The following LTBP1 variants were observed in gnomAD, a reference collection of about 807,000 sequenced individuals.
The protein encoded by LTBP1 is latent-transforming growth factor beta-binding protein 1.
In LTBP1, 129 loss-of-function variants were observed where a neutral mutation model predicts 207.6. That is an observed-to-expected ratio of 0.62 (90% confidence interval 0.54 to 0.72). The LOEUF is 0.72. Among genes scored for constraint, LTBP1 ranks in the 30% least tolerant of loss-of-function variants. The pLI, the probability that LTBP1 is intolerant of heterozygous loss-of-function variation, is 0.00. For missense variants in LTBP1, 2,281 were observed against 2,217.2 expected (o/e 1.03, Z -0.58); for synonymous variants, 963 against 833.7 (o/e 1.16, Z -2.67).
intron 2 of LTBP1, among the ~76,000 whole-genome samples, chr2:32,984,616 C>T (rs1683252688): frequency 1.3e-5 from 2 of 152,054 alleles, no homozygotes; most frequent in Non-Finnish European, 2.9e-5. Context: ...CCCTTTTGTA[C>T]AAAAAGAGTG....
chr2:33,254,884 G>A (rs921891240), intron 11 of LTBP1, among the ~76,000 whole-genome samples: 2 of 31,428 alleles, frequency 6.4e-5, no homozygotes, highest in African/African-American at 1.5e-4. Context: ...TTTTTTTTTT[G>A]TATTTTCTAT....
chr2:33,348,502 A>G (rs1573958223), intron 26 of LTBP1, among the ~76,000 whole-genome samples: 1 of 152,310 alleles, frequency 6.6e-6, no homozygotes, highest in East Asian at 1.9e-4. Context: ...TACATATTCC[A>G]TAAAGAAGAG....
intron 2 of LTBP1, among the ~76,000 whole-genome samples, chr2:32,993,969 A>AGAGTGTGTGT (rs1684843489): frequency 7.2e-6 from 1 of 138,384 alleles, no homozygotes; most frequent in Non-Finnish European, 1.6e-5. Context: ...CAGTTAGGGG[A>AGAGTGTGTGT]GTGTGTGTGT....
At chr2:33,033,383 CATT>C (rs2075774070) in intron 3 of LTBP1, among the ~76,000 whole-genome samples, 1 of 152,220 alleles carries the variant, frequency 6.6e-6, no homozygotes, top group Non-Finnish European at 1.5e-5. Context: ...CTTACTGTAT[CATT>C]ACCTGTGTGC....
chr2:33,336,652 T>C (rs1419112617), intron 24 of LTBP1, among the ~76,000 whole-genome samples: 1 of 152,158 alleles, frequency 6.6e-6, no homozygotes, highest in Non-Finnish European at 1.5e-5. Flanking sequence ...CACTATCCAC[T>C]TCTCTGGAGC....
intron 3 of LTBP1, among the ~76,000 whole-genome samples, chr2:33,074,869 CAAAAAAAAAAAAAA>C (rs36211816): frequency 0.63 from 83,022 of 131,990 alleles, 26,705 homozygotes; most frequent in Non-Finnish European, 0.72. Context: ...GACTCCATCT[CAAAAAAAAAAAAAA>C]AAAAAAAAAA....
chr2:33,098,376 A>G (rs921384463), intron 3 of LTBP1, among the ~76,000 whole-genome samples: 1 of 152,100 alleles, frequency 6.6e-6, no homozygotes, highest in Non-Finnish European at 1.5e-5. Flanking sequence ...TTTCATGTGC[A>G]TTGCAGATAT....
At chr2:33,381,460 C>T (rs917340393) in intron 31 of LTBP1, among the ~76,000 whole-genome samples, 5 of 152,102 alleles carry the variant, frequency 3.3e-5, no homozygotes, top group African/African-American at 1.2e-4. Context: ...CCGTGAGTCT[C>T]CTTAGAGTAT....
chr2:33,090,683 G>C (rs7605699), intron 3 of LTBP1, among the ~76,000 whole-genome samples: 29,674 of 152,072 alleles, frequency 0.2, 3,089 homozygotes, highest in South Asian at 0.23. Flanking sequence ...CCCTGTTGAT[G>C]ATCTTTGCTG....
chr2:33,397,503 A>ATTTTTTTT (rs1459402012), intron 33 of LTBP1, among the ~76,000 whole-genome samples: 1 of 77,908 alleles, frequency 1.3e-5, no homozygotes, highest in Non-Finnish European at 2.6e-5. Context: ...TTTTACCACA[A>ATTTTTTTT]TTCTTTTTTT....
chr2:33,172,068 G>C (rs2085510186), intron 5 of LTBP1, among the ~76,000 whole-genome samples: 1 of 152,198 alleles, frequency 6.6e-6, no homozygotes. Flanking sequence ...AAATTGTAAA[G>C]ACCATCGAGG....
At chr2:32,978,672 T>A (rs550004189) in intron 2 of LTBP1, among the ~76,000 whole-genome samples, 71 of 151,604 alleles carry the variant, frequency 4.7e-4, no homozygotes, top group African/African-American at 1.6e-3. Context: ...TTTAATTTTT[T>A]TTTTTTTTTT....
chr2:33,087,067 G>C (rs2078800315), intron 3 of LTBP1, among the ~76,000 whole-genome samples: 2 of 130,868 alleles, frequency 1.5e-5, no homozygotes, highest in African/African-American at 2.6e-5. Flanking sequence ...GAAGCACCAG[G>C]CTGTCCCTCC....
chr2:32,977,736 C>T (rs910659050), intron 2 of LTBP1, among the ~76,000 whole-genome samples: 1 of 152,162 alleles, frequency 6.6e-6, no homozygotes, highest in Admixed American at 6.5e-5. Context: ...TGTTGGGGAG[C>T]TTCTCATGGG....
rs544228446 is a variant in LTBP1, at chr2:32,964,945, C to T, written c.565+16000C>T. Among the ~76,000 whole-genome samples, 21 of 152,116 alleles carry T rather than the reference C, an allele frequency of 1.4e-4. No homozygotes were observed. The South Asian group carries it at 4.2e-3, about 30-fold the overall frequency. ...GTCCCAGCTACTCGGGAGGCTGAGG[C>T]AGGAGAATCGCTTGAACCAGGGAGG... On this transcript the variant is annotated intron_variant, in intron 2 of 33. Coordinates refer to ENST00000404816, the MANE Select transcript of LTBP1 (RefSeq NM_206943.4).
intron 2 of LTBP1, among the ~76,000 whole-genome samples, chr2:32,968,115 T>C (rs1245681090): frequency 6.6e-6 from 1 of 152,144 alleles, no homozygotes; most frequent in Non-Finnish European, 1.5e-5. Context: ...TACAGGTAGA[T>C]GCCACCATGC....
intron 22 of LTBP1, among the ~76,000 whole-genome samples, chr2:33,306,335 C>T (rs1008203759): frequency 3.2e-4 from 49 of 151,966 alleles, no homozygotes; most frequent in African/African-American, 9.9e-4. Context: ...TTTGGGAGGC[C>T]GAGGCGGGTG....
At chr2:33,053,139 G>A (rs1558568583) in intron 3 of LTBP1, among the ~76,000 whole-genome samples, 2 of 152,124 alleles carry the variant, frequency 1.3e-5, no homozygotes, top group Non-Finnish European at 2.9e-5. Context: ...CCAAAGTGCT[G>A]GAATTACAGG....
intron 3 of LTBP1, among the ~76,000 whole-genome samples, chr2:33,071,551 CA>C (rs1262655419): frequency 6.6e-5 from 10 of 152,074 alleles, no homozygotes; most frequent in African/African-American, 1.9e-4. Context: ...GGAGCAGGAA[CA>C]GGGGGAAGGG....
Sources: allele counts gnomAD v4.1 joint callset (sites outside exome capture counted in the v4.1 genomes callset), GRCh38; gene constraint gnomAD v4.1.1; transcripts MANE v1.5; gene names NCBI Gene and HGNC (gene_info 2026-07-23, HGNC 2026-07-21).